AGBL4: variants seen among roughly 807,000 people sequenced by gnomAD.
The protein encoded by AGBL4 is AGBL carboxypeptidase 4.
AGBL4 carries 58 observed loss-of-function variants against 66.4 expected under a neutral mutation model. The ratio of observed to expected loss-of-function variants is 0.87; its 90% confidence interval spans 0.71 to 1.09. The LOEUF (loss-of-function observed/expected upper bound fraction) is 1.09, where lower values mean the gene tolerates loss of function less well. Ranked by LOEUF, AGBL4 falls within the 50% of genes least tolerant of loss-of-function variation. The pLI is 0.00. For synonymous variants in AGBL4, 234 were observed against 222.9 expected (o/e 1.05, Z -0.44); for missense variants, 579 against 631.0 (o/e 0.92, Z 0.88).
intron 3 of AGBL4, among the ~76,000 whole-genome samples, chr1:49,486,364 A>G (rs932717254): frequency 6.6e-6 from 1 of 152,000 alleles, no homozygotes; most frequent in Non-Finnish European, 1.5e-5. Context: ...ACCAGTACCT[A>G]GCATACAGCT....
At chr1:49,666,529 GTAC>G (rs1387123924) in intron 3 of AGBL4, among the ~76,000 whole-genome samples, 3 of 151,640 alleles carry the variant, frequency 2.0e-5, no homozygotes, top group African/African-American at 7.3e-5. Context: ...TTGCACCACT[GTAC>G]TACAACCTGG....
chr1:50,003,369 G>C (rs1287092912), intron 1 of AGBL4, among the ~76,000 whole-genome samples: 2 of 152,180 alleles, frequency 1.3e-5, no homozygotes, highest in African/African-American at 4.8e-5. Context: ...TCATCAGAAG[G>C]AGTTTCCTTA....
intron 2 of AGBL4, among the ~76,000 whole-genome samples, chr1:49,838,749 T>C (rs1395009347): frequency 1.3e-5 from 2 of 152,204 alleles, no homozygotes; most frequent in African/African-American, 4.8e-5. Context: ...AACTGAAAAT[T>C]ATCATGTTCT....
intron 4 of AGBL4, among the ~76,000 whole-genome samples, chr1:49,167,743 G>A (rs1267237018): frequency 2.6e-5 from 4 of 152,266 alleles, no homozygotes; most frequent in East Asian, 1.9e-4. Context: ...ATTTGTTTTA[G>A]AGAATGTTGC....
At chr1:48,638,898 C>T (rs1645711405) in intron 8 of AGBL4, among the ~76,000 whole-genome samples, 1 of 152,138 alleles carries the variant, frequency 6.6e-6, no homozygotes, top group Non-Finnish European at 1.5e-5. Flanking sequence ...TGGTAAACCT[C>T]AATTTTCTAG....
intron 1 of AGBL4, among the ~76,000 whole-genome samples, chr1:49,929,420 C>G (rs1342189477): frequency 2.0e-5 from 3 of 151,066 alleles, no homozygotes; most frequent in African/African-American, 7.3e-5. Context: ...CTACCTAGAA[C>G]AAAGTGGAAC....
At chr1:49,544,584 A>G (rs1230964170) in intron 3 of AGBL4, among the ~76,000 whole-genome samples, 1 of 152,232 alleles carries the variant, frequency 6.6e-6, no homozygotes, top group Non-Finnish European at 1.5e-5. Context: ...CAAAATACTA[A>G]CAATATAATC....
chr1:49,529,619 G>A (rs913612421), intron 3 of AGBL4, among the ~76,000 whole-genome samples: 2 of 152,124 alleles, frequency 1.3e-5, no homozygotes, highest in Non-Finnish European at 2.9e-5. Flanking sequence ...GCAGAGTGCA[G>A]GGAGCTGAGA....
intron 2 of AGBL4, among the ~76,000 whole-genome samples, chr1:49,732,791 C>A (rs1470834269): frequency 1.3e-5 from 2 of 152,006 alleles, no homozygotes; most frequent in African/African-American, 4.8e-5. Context: ...AGTTTACCAA[C>A]ATGTGTGTAA....
chr1:49,233,067 C>A (rs1650451082), intron 4 of AGBL4, among the ~76,000 whole-genome samples: 1 of 152,126 alleles, frequency 6.6e-6, no homozygotes, highest in Admixed American at 6.5e-5. Context: ...TGTACACTGC[C>A]ATGAACATCC....
At chr1:48,871,379 GTGTGTGTT>G (rs1399497190) in intron 5 of AGBL4, among the ~76,000 whole-genome samples, 2 of 151,586 alleles carry the variant, frequency 1.3e-5, no homozygotes, top group African/African-American at 4.9e-5. Context: ...GTGTGTGTGT[GTGTGTGTT>G]TGTGTGTGTA....
intron 2 of AGBL4, among the ~76,000 whole-genome samples, chr1:49,717,446 T>A (rs1377535307): frequency 6.6e-6 from 1 of 152,012 alleles, no homozygotes; most frequent in Non-Finnish European, 1.5e-5. Context: ...TCTTCATGTG[T>A]CTGACCTCAT....
At chr1:49,132,524 G>T (rs965407081) in intron 4 of AGBL4, among the ~76,000 whole-genome samples, 5 of 152,072 alleles carry the variant, frequency 3.3e-5, no homozygotes, top group Admixed American at 6.6e-5. Flanking sequence ...GATTGGAAAA[G>T]ATCTTAAAAA....
At chr1:49,212,497 A>G (rs1648753210) in intron 4 of AGBL4, among the ~76,000 whole-genome samples, 1 of 152,156 alleles carries the variant, frequency 6.6e-6, no homozygotes, top group Admixed American at 6.6e-5. Flanking sequence ...TAGAATATAG[A>G]TTAGATAACT....
At chr1:49,552,269 T>C (rs995160779) in intron 3 of AGBL4, among the ~76,000 whole-genome samples, 2 of 152,190 alleles carry the variant, frequency 1.3e-5, no homozygotes, top group Non-Finnish European at 2.9e-5. Context: ...TTCCCCCGCC[T>C]GTGGAGTCTG....
intron 1 of AGBL4, among the ~76,000 whole-genome samples, chr1:49,934,461 A>G (rs899789024): frequency 2.6e-5 from 4 of 152,220 alleles, no homozygotes; most frequent in African/African-American, 9.6e-5. Flanking sequence ...AACCACAACT[A>G]TATACCACAA....
At position 49,118,805 on chromosome 1, in the gene AGBL4, C is replaced by T. The variant is rs531741658; in HGVS notation, c.378-73005G>A. ...ACCTCTTTGTACCTCTGGTAGAATT[C>T]GGCTGTGAATCCATCTGGTCCTGGA... is the stretch of plus-strand genomic sequence containing the variant. On this transcript the variant is annotated intron_variant, in intron 4 of 13. Transcript: ENST00000371839. Among the ~76,000 whole-genome samples the T allele has an allele frequency of 4.7e-4, 71 of 152,238 alleles. 1 individual carries two copies. The South Asian group carries it at 0.013, about 27-fold the overall frequency.
At chr1:49,295,051 T>C (rs938021735) in intron 3 of AGBL4, among the ~76,000 whole-genome samples, 2 of 152,196 alleles carry the variant, frequency 1.3e-5, no homozygotes, top group Admixed American at 6.5e-5. Flanking sequence ...CATGAATAAA[T>C]AAATTAATTG....
intron 3 of AGBL4, among the ~76,000 whole-genome samples, chr1:49,420,087 C>A (rs1334050868): frequency 1.3e-5 from 2 of 152,198 alleles, no homozygotes; most frequent in Non-Finnish European, 2.9e-5. Flanking sequence ...AAGGAATCTT[C>A]ACCTCTAATA....
Sources: gnomAD v4.1 joint callset for allele counts (sites outside exome capture counted in the v4.1 genomes callset) on GRCh38, gnomAD v4.1.1 for gene constraint, MANE v1.5 for transcripts, NCBI Gene and HGNC (gene_info 2026-07-23, HGNC 2026-07-21) for gene names.